Variants in ADAMTSL1 observed in about 807,000 individuals in gnomAD.
ADAMTSL1 encodes the protein ADAMTS like 1, also known as ADAMTS-like protein 1.
In ADAMTSL1, 126 loss-of-function variants were observed where a neutral mutation model predicts 201.8. The observed-to-expected ratio is 0.62, with a 90% CI of 0.54 to 0.72. The LOEUF is 0.72. ADAMTSL1 is among the 30% of genes least tolerant of loss of function. The pLI is 0.00. For missense variants in ADAMTSL1, 2,679 were observed against 2,277.8 expected (o/e 1.18, Z -3.59); for synonymous variants, 1,121 against 903.4 (o/e 1.24, Z -4.32).
intron 7 of ADAMTSL1, among the ~76,000 whole-genome samples, chr9:18,647,745 T>C (rs1827914022): frequency 6.6e-6 from 1 of 151,898 alleles, no homozygotes; most frequent in South Asian, 2.1e-4. Flanking sequence ...CACTGTGGTC[T>C]GAGAGACAGT....
At chr9:18,636,516 A>G (rs751420694) in intron 6 of ADAMTSL1, among the ~76,000 whole-genome samples, 1 of 152,180 alleles carries the variant, frequency 6.6e-6, no homozygotes, top group African/African-American at 2.4e-5. Flanking sequence ...GTAATTAAGC[A>G]TCCCATGTTT....
intron 4 of ADAMTSL1, among the ~76,000 whole-genome samples, chr9:18,619,713 G>C (rs1825914285): frequency 6.6e-6 from 1 of 152,176 alleles, no homozygotes; most frequent in South Asian, 2.1e-4. Flanking sequence ...GGCTCCATTA[G>C]AGGCATCAGA....
chr9:17,966,513 A>G (rs1817983981), intron 1 of ADAMTSL1, among the ~76,000 whole-genome samples: 1 of 151,932 alleles, frequency 6.6e-6, no homozygotes, highest in Non-Finnish European at 1.5e-5. Flanking sequence ...AACTTTTTTT[A>G]CTTCTTTGTA....
chr9:18,732,623 G>A (rs1014010721), intron 15 of ADAMTSL1, among the ~76,000 whole-genome samples: 2 of 152,172 alleles, frequency 1.3e-5, no homozygotes, highest in African/African-American at 4.8e-5. Context: ...AAGAAATCAG[G>A]AAGCGTCGAT....
chr9:18,239,089 A>G (rs946465903), intron 2 of ADAMTSL1, among the ~76,000 whole-genome samples: 1 of 152,226 alleles, frequency 6.6e-6, no homozygotes, highest in Non-Finnish European at 1.5e-5. Flanking sequence ...AATGCTAATG[A>G]TTATCTGAGG....
chr9:17,985,415 C>G (rs1225833675), intron 1 of ADAMTSL1, among the ~76,000 whole-genome samples: 1 of 151,978 alleles, frequency 6.6e-6, no homozygotes, highest in Non-Finnish European at 1.5e-5. Flanking sequence ...TGCTTCTCTT[C>G]TAACACATAA....
intron 19 of ADAMTSL1, among the ~76,000 whole-genome samples, chr9:18,779,732 C>A (rs755889167): frequency 6.6e-6 from 1 of 152,208 alleles, no homozygotes; most frequent in Non-Finnish European, 1.5e-5. Context: ...TTTGAGGTCA[C>A]TGAGTGGCAG....
At chr9:18,064,247 G>T (rs949387546) in intron 1 of ADAMTSL1, among the ~76,000 whole-genome samples, 1 of 151,962 alleles carries the variant, frequency 6.6e-6, no homozygotes, top group Non-Finnish European at 1.5e-5. Flanking sequence ...GTTGCACCGT[G>T]GAATGATCAA....
At chr9:18,573,075 A>AT (rs1278137488) in intron 3 of ADAMTSL1, among the ~76,000 whole-genome samples, 2 of 152,132 alleles carry the variant, frequency 1.3e-5, no homozygotes, top group African/African-American at 4.8e-5. Flanking sequence ...ATAGTTTTAC[A>AT]TTTTAAATTG....
intron 2 of ADAMTSL1, among the ~76,000 whole-genome samples, chr9:18,195,231 A>G (rs543404017): frequency 5.3e-5 from 8 of 152,190 alleles, no homozygotes; most frequent in African/African-American, 1.9e-4. Context: ...AAGTGGTTCT[A>G]CCCTTGCGCA....
chr9:18,394,746 T>G (rs1336295665), intron 2 of ADAMTSL1, among the ~76,000 whole-genome samples: 1 of 152,202 alleles, frequency 6.6e-6, no homozygotes, highest in Non-Finnish European at 1.5e-5. Flanking sequence ...AGTTACCAAC[T>G]CTCCACTTTA....
At chr9:17,940,830 A>G (rs1445157877) in intron 1 of ADAMTSL1, among the ~76,000 whole-genome samples, 2 of 135,940 alleles carry the variant, frequency 1.5e-5, no homozygotes, top group Non-Finnish European at 1.6e-5. Context: ...AGAAAGAAAT[A>G]ACGACTCGTC....
intron 1 of ADAMTSL1, among the ~76,000 whole-genome samples, chr9:17,917,690 C>T (rs1453033146): frequency 6.6e-6 from 1 of 151,892 alleles, no homozygotes; most frequent in East Asian, 1.9e-4. Context: ...AGAGCAATGC[C>T]GGCTTCATAG....
chr9:18,001,325 C>G (rs1819603606), intron 1 of ADAMTSL1, among the ~76,000 whole-genome samples: 1 of 151,794 alleles, frequency 6.6e-6, no homozygotes, highest in Non-Finnish European at 1.5e-5. Context: ...AGTAACTGTC[C>G]AAACATATGA....
chr9:18,119,842 T>G (rs1386978083), intron 1 of ADAMTSL1, among the ~76,000 whole-genome samples: 2 of 152,128 alleles, frequency 1.3e-5, no homozygotes, highest in Non-Finnish European at 2.9e-5. Flanking sequence ...AGAAAGACAT[T>G]GATAAAACAT....
At chr9:18,230,832 A>G (rs1830621447) in intron 2 of ADAMTSL1, among the ~76,000 whole-genome samples, 2 of 152,322 alleles carry the variant, frequency 1.3e-5, no homozygotes, top group Non-Finnish European at 2.9e-5. Context: ...TTAAAATTAC[A>G]TCCATTCTTC....
At chr9:18,428,282 C>T (rs1819317444) in intron 2 of ADAMTSL1, among the ~76,000 whole-genome samples, 1 of 152,112 alleles carries the variant, frequency 6.6e-6, no homozygotes, top group South Asian at 2.1e-4. Context: ...AGAAATTATA[C>T]AGATACAAGA....
intron 4 of ADAMTSL1, among the ~76,000 whole-genome samples, chr9:18,607,517 A>G (rs1483878699): frequency 2.0e-5 from 3 of 152,074 alleles, no homozygotes; most frequent in Non-Finnish European, 4.4e-5. Context: ...ATTATGCAAT[A>G]CATTTGAAAC....
chr9:17,953,763 G>A (rs1262436481), intron 1 of ADAMTSL1, among the ~76,000 whole-genome samples: 1 of 152,148 alleles, frequency 6.6e-6, no homozygotes, highest in Non-Finnish European at 1.5e-5. Context: ...GTTATCTATT[G>A]CTGCAAAACG....
Sources: gnomAD v4.1 joint callset for allele counts (sites outside exome capture counted in the v4.1 genomes callset) on GRCh38, gnomAD v4.1.1 for gene constraint, MANE v1.5 for transcripts, NCBI Gene and HGNC (gene_info 2026-07-23, HGNC 2026-07-21) for gene names.